Variants in SPOCK1 observed in about 807,000 individuals in gnomAD.
SPOCK1 encodes SPARC (osteonectin), cwcv and kazal like domains proteoglycan 1, also known as testican-1.
SPOCK1 carries 23 observed loss-of-function variants against 55.3 expected under a neutral mutation model. The ratio of observed to expected loss-of-function variants is 0.42; its 90% CI spans 0.30 to 0.59. The LOEUF (loss-of-function observed/expected upper bound fraction) is 0.59. Among genes scored for constraint, SPOCK1 ranks in the 20% least tolerant of loss-of-function variants. SPOCK1 has a pLI of 0.22. For synonymous variants in SPOCK1, 226 were observed against 221.0 expected (o/e 1.02, Z -0.20); for missense variants, 499 against 552.5 (o/e 0.90, Z 0.97).
chr5:137,163,128 G>A (rs1206351743), intron 3 of SPOCK1, among the ~76,000 whole-genome samples: 1 of 152,216 alleles, frequency 6.6e-6, no homozygotes. Context: ...ACTACCATTG[G>A]CCTTTAAATT....
chr5:137,143,852 T>C (rs979117432), intron 3 of SPOCK1, among the ~76,000 whole-genome samples: 3 of 152,170 alleles, frequency 2.0e-5, no homozygotes, highest in Non-Finnish European at 2.9e-5. Context: ...AAATTGCTAA[T>C]GAGAGATGCA....
At chr5:137,293,940 C>A (rs1027340993) in intron 2 of SPOCK1, among the ~76,000 whole-genome samples, 2 of 152,156 alleles carry the variant, frequency 1.3e-5, no homozygotes, top group Admixed American at 6.5e-5. Flanking sequence ...TGGCATGAAC[C>A]CGGGAGGCGG....
intron 5 of SPOCK1, among the ~76,000 whole-genome samples, chr5:137,093,748 C>T (rs1463477154): frequency 1.3e-5 from 2 of 152,128 alleles, no homozygotes; most frequent in Admixed American, 6.5e-5. Flanking sequence ...ATGTTCAAAA[C>T]GCTGATATGA....
At chr5:137,202,989 C>T (rs1293227721) in intron 3 of SPOCK1, among the ~76,000 whole-genome samples, 2 of 152,186 alleles carry the variant, frequency 1.3e-5, no homozygotes, top group Non-Finnish European at 2.9e-5. Flanking sequence ...ATGTTGATTG[C>T]TTGTTGCACA....
intron 2 of SPOCK1, among the ~76,000 whole-genome samples, chr5:137,427,325 C>T (rs1260995124): frequency 2.6e-5 from 4 of 152,208 alleles, no homozygotes; most frequent in Non-Finnish European, 4.4e-5. Flanking sequence ...TACTTTTATG[C>T]TTGGGCCCAA....
Position 136,978,741 on chromosome 5 carries a change from C to A in SPOCK1, c.1233G>T (p.Gly411=), listed in dbSNP as rs1750667607. The A allele has an allele frequency of 6.2e-7, 1 of 1,614,142 alleles. No individual in the cohort carries two copies. Among genetic ancestry groups the A allele is most frequent in the African/African-American group, 1.3e-5 (1 of 75,038 alleles). Residue 411 remains glycine, a synonymous_variant, in exon 11 of 11, where the codon GGG becomes GGT. Coordinates refer to ENST00000394945, the MANE Select transcript of SPOCK1 (RefSeq NM_004598.4). ...ERELGPKDKE[G]KLRVHTRAVT... ...CGGCTCGGGTGTGCACCCTCAGCTT[C>A]CCCTCTTTGTCCTTTGGTCCCAGCT...
chr5:137,178,333 C>T (rs1029328188), intron 3 of SPOCK1, among the ~76,000 whole-genome samples: 1 of 152,240 alleles, frequency 6.6e-6, no homozygotes, highest in African/African-American at 2.4e-5. Flanking sequence ...AATTTCCCAA[C>T]AATTCCAGTT....
chr5:137,208,720 GA>G (rs1755561363), intron 3 of SPOCK1, among the ~76,000 whole-genome samples: 1 of 152,108 alleles, frequency 6.6e-6, no homozygotes, highest in Non-Finnish European at 1.5e-5. Context: ...TGGGAGGGAG[GA>G]AATGGGGCAA....
chr5:137,365,886 T>C (rs1335172207), intron 2 of SPOCK1, among the ~76,000 whole-genome samples: 3 of 152,236 alleles, frequency 2.0e-5, no homozygotes, highest in Non-Finnish European at 4.4e-5. Context: ...ACATGTATTA[T>C]GTTTGACCTT....
In SPOCK1 at chr5:137,499,208, G is replaced by T. The variant is rs1754386960; in HGVS notation, c.-30C>A. On this transcript the variant is annotated 5_prime_UTR_variant, in exon 1 of 11. Coordinates refer to ENST00000394945, the MANE Select transcript of SPOCK1 (RefSeq NM_004598.4). The stretch of plus-strand genomic sequence containing the variant: ...GGGGCCGGCCCGGGTCCCCTAGTCC[G>T]AGTTGCTCGAGCTCCCGCGGCACGG... 1 of 144,916 alleles carries T rather than the reference G, an allele frequency of 6.9e-6. No individual in the cohort carries two copies. Among genetic ancestry groups the T allele is most frequent in the Admixed American group, 6.8e-5 (1 of 14,646 alleles). 9.0% of individuals were successfully genotyped at this position (144,916 alleles called of 1,614,324 possible). A position where few individuals can be genotyped will look rare whatever the true frequency, so the allele number is the denominator to read the frequency against.
chr5:137,001,704 T>A (rs970262183), intron 6 of SPOCK1, among the ~76,000 whole-genome samples: 1 of 152,182 alleles, frequency 6.6e-6, no homozygotes, highest in African/African-American at 2.4e-5. Context: ...ATGGGAATAA[T>A]GTTTGTGGTG....
At chr5:137,132,617 C>T (rs1330335929) in intron 4 of SPOCK1, among the ~76,000 whole-genome samples, 1 of 152,178 alleles carries the variant, frequency 6.6e-6, no homozygotes, top group Non-Finnish European at 1.5e-5. Flanking sequence ...CTACCATTCC[C>T]AGCTTCGCAG....
At chr5:137,355,091 T>C (rs1361151066) in intron 2 of SPOCK1, among the ~76,000 whole-genome samples, 1 of 151,916 alleles carries the variant, frequency 6.6e-6, no homozygotes, top group East Asian at 1.9e-4. Context: ...TTAGTAGAGA[T>C]GGGGTTTCAC....
intron 3 of SPOCK1, among the ~76,000 whole-genome samples, chr5:137,178,277 T>C (rs1318857600): frequency 6.6e-6 from 1 of 152,258 alleles, no homozygotes; most frequent in East Asian, 1.9e-4. Context: ...CTCAATCCCC[T>C]GTGCTTGGCA....
chr5:137,303,510 C>T (rs372821519), intron 2 of SPOCK1, among the ~76,000 whole-genome samples: 12 of 152,268 alleles, frequency 7.9e-5, no homozygotes, highest in African/African-American at 2.4e-4. Flanking sequence ...CTCATTTTTG[C>T]GTTTGCTATT....
chr5:137,428,973 G>A (rs1271976015), intron 2 of SPOCK1, among the ~76,000 whole-genome samples: 1 of 152,194 alleles, frequency 6.6e-6, no homozygotes, highest in East Asian at 1.9e-4. Flanking sequence ...CATCCTGCAA[G>A]AAGAATGATC....
chr5:137,112,698 G>T, intron 4 of SPOCK1, 137 bp from the exon 5 acceptor site: 1 of 1,076,266 alleles, frequency 9.3e-7, no homozygotes, highest in Non-Finnish European at 1.3e-6. Flanking sequence ...GCCTTAGCCA[G>T]CACTTCCATT....
chr5:137,303,789 C>T (rs1429614647), intron 2 of SPOCK1, among the ~76,000 whole-genome samples: 1 of 152,188 alleles, frequency 6.6e-6, no homozygotes, highest in Non-Finnish European at 1.5e-5. Flanking sequence ...CTGGGGCAGC[C>T]AGGAGGGGCC....
intron 3 of SPOCK1, among the ~76,000 whole-genome samples, chr5:137,176,189 G>T (rs1395980141): frequency 6.6e-6 from 1 of 152,182 alleles, no homozygotes; most frequent in Non-Finnish European, 1.5e-5. Flanking sequence ...AAATCCCACA[G>T]TGATGTTTTA....
Sources: gnomAD v4.1 joint callset for allele counts (sites outside exome capture counted in the v4.1 genomes callset) on GRCh38, gnomAD v4.1.1 for gene constraint, MANE v1.5 for transcripts, NCBI Gene and HGNC (gene_info 2026-07-23, HGNC 2026-07-21) for gene names.